The following AVL9 variants were observed in gnomAD, a reference collection of about 807,000 sequenced individuals.
The protein encoded by AVL9 is AVL9 cell migration associated, also known as late secretory pathway protein AVL9 homolog.
AVL9 carries 49 observed loss-of-function variants against 79.2 expected under a neutral mutation model. The ratio of observed to expected loss-of-function variants is 0.62; its 90% confidence interval spans 0.49 to 0.79. AVL9 has a LOEUF of 0.79. Among genes scored for constraint, AVL9 ranks in the 30% least tolerant of loss-of-function variants. The pLI, the probability that AVL9 is intolerant of heterozygous loss-of-function variation, is 0.00. For synonymous variants in AVL9, 299 were observed against 280.6 expected, an observed-to-expected ratio of 1.07 and a Z score of -0.65; for missense variants, 682 against 776.8, an observed-to-expected ratio of 0.88 and a Z score of 1.45.
At chr7:32,571,756 T>C (rs1451963272) in intron 11 of AVL9, among the ~76,000 whole-genome samples, 1 of 152,058 alleles carries the variant, frequency 6.6e-6, no homozygotes, top group Non-Finnish European at 1.5e-5. Context: ...GGTTACATTC[T>C]AGTTCTGTAG....
At chr7:32,575,458 A>G (rs952442984) in intron 12 of AVL9, among the ~76,000 whole-genome samples, 3 of 152,212 alleles carry the variant, frequency 2.0e-5, no homozygotes, top group African/African-American at 7.2e-5. Flanking sequence ...CACCAAATAA[A>G]GTCCAAAGGA....
At chr7:32,500,719 T>A (rs1195141059) in intron 1 of AVL9, among the ~76,000 whole-genome samples, 2 of 152,210 alleles carry the variant, frequency 1.3e-5, no homozygotes, top group East Asian at 3.8e-4. Flanking sequence ...TAGGTTTTCT[T>A]CTGGGGTTTT....
chr7:32,538,130 T>C (rs942343569), intron 1 of AVL9: 3 of 152,222 alleles, frequency 2.0e-5, no homozygotes, highest in Non-Finnish European at 4.4e-5. Context: ...CTTCCTTCAG[T>C]AGAGTTGCGA....
chr7:32,510,165 C>T (rs1031101707), intron 1 of AVL9, among the ~76,000 whole-genome samples: 11 of 151,852 alleles, frequency 7.2e-5, no homozygotes, highest in Non-Finnish European at 1.6e-4. Flanking sequence ...CACTTCTGAA[C>T]TGCCCCAGTA....
chr7:32,582,275 G>A (rs1270296165), intron 15 of AVL9, among the ~76,000 whole-genome samples: 1 of 148,744 alleles, frequency 6.7e-6, no homozygotes, highest in African/African-American at 2.6e-5. Flanking sequence ...TTCTGAAAGA[G>A]GTTGACTAAC....
At position 32,580,710 on chromosome 7, in the gene AVL9, C is replaced by T. The variant is rs551439142; in HGVS notation, c.1743-92C>T. The T allele has an allele frequency of 7.7e-6, 5 of 647,660 alleles. No individual in the cohort carries two copies. The East Asian group carries it at 1.5e-4, about 20-fold the overall frequency. 40.1% of individuals were successfully genotyped at this position (647,660 alleles called of 1,614,324 possible). A position where few individuals can be genotyped will look rare whatever the true frequency, so the allele number is the denominator to read the frequency against. On this transcript the variant is annotated intron_variant, in intron 14 of 15. Transcript: ENST00000318709. Reference sequence around the variant, plus strand: ...CTAATTTTGGATGGTTACAGAGTGACTATTGTGTGTGTGTCTATATGTGTC... The same window carrying T: ...CTAATTTTGGATGGTTACAGAGTGATTATTGTGTGTGTGTCTATATGTGTC...
At chr7:32,514,803 T>G (rs769105535) in intron 1 of AVL9, among the ~76,000 whole-genome samples, 1 of 152,148 alleles carries the variant, frequency 6.6e-6, no homozygotes, top group South Asian at 2.1e-4. Context: ...CCAAATCTTA[T>G]AAAACAGCCC....
chr7:32,572,842 A>G (rs1240735232), intron 11 of AVL9, among the ~76,000 whole-genome samples: 1 of 151,670 alleles, frequency 6.6e-6, no homozygotes, highest in African/African-American at 2.4e-5. Flanking sequence ...ATCTGCACGC[A>G]AAAGAAAAAG....
chr7:32,541,754 G>C (rs898638374), intron 1 of AVL9, among the ~76,000 whole-genome samples: 2 of 146,574 alleles, frequency 1.4e-5, no homozygotes, highest in Admixed American at 6.9e-5. Context: ...CACTCTTGTT[G>C]CCCAGGCTGC....
intron 1 of AVL9, chr7:32,537,250 A>G (rs1788952920): frequency 6.6e-6 from 1 of 152,176 alleles, no homozygotes; most frequent in African/African-American, 2.4e-5. Context: ...ATAACAAAAG[A>G]TGCTCCTATT....
intron 4 of AVL9, among the ~76,000 whole-genome samples, chr7:32,550,186 A>G (rs1789747487): frequency 6.6e-6 from 1 of 152,208 alleles, no homozygotes; most frequent in African/African-American, 2.4e-5. Context: ...AATAGATGCC[A>G]TTTATTGAGT....
At chr7:32,548,124 G>A (rs548944315) in intron 3 of AVL9, among the ~76,000 whole-genome samples, 1 of 124,614 alleles carries the variant, frequency 8.0e-6, no homozygotes, top group Admixed American at 8.7e-5. Flanking sequence ...TGGAGAACAA[G>A]CTGTCTGTTT....
At chr7:32,582,241 A>G (rs1791544426) in intron 15 of AVL9, among the ~76,000 whole-genome samples, 1 of 152,232 alleles carries the variant, frequency 6.6e-6, no homozygotes, top group Non-Finnish European at 1.5e-5. Context: ...TGTTGTAAAA[A>G]TAGGGCATTA....
Position 32,559,484 on chromosome 7 carries a change from A to G in AVL9, c.1215+20A>G. 1 of 1,498,946 alleles carries G rather than the reference A, an allele frequency of 6.7e-7. No homozygotes were observed. Among genetic ancestry groups the G allele is most frequent in the Non-Finnish European group, 8.9e-7 (1 of 1,123,726 alleles). 92.9% of individuals were successfully genotyped at this position (1,498,946 alleles called of 1,614,324 possible). A position where few individuals can be genotyped will look rare whatever the true frequency, so the allele number is the denominator to read the frequency against. On this transcript the variant is annotated intron_variant, in intron 10 of 15. Coordinates refer to ENST00000318709, the MANE Select transcript of AVL9 (RefSeq NM_015060.3). ...ACAAAGGTAAAGTGTAATATTTTTT[A>G]TCGAATTCCTTAAAGAATTTGAAAA...
chr7:32,516,709 A>G (rs1048212402), intron 1 of AVL9, among the ~76,000 whole-genome samples: 2 of 150,124 alleles, frequency 1.3e-5, no homozygotes, highest in African/African-American at 2.4e-5. Context: ...ATAACACGCT[A>G]TGGAGTCCTG....
At chr7:32,567,512 A>C (rs1419038106) in intron 10 of AVL9, among the ~76,000 whole-genome samples, 1 of 152,142 alleles carries the variant, frequency 6.6e-6, no homozygotes, top group Non-Finnish European at 1.5e-5. Flanking sequence ...CGCTAATAAA[A>C]AGTCTCCCTT....
rs199824956 is a variant in AVL9 at position 32,560,322 on chromosome 7, CAATT to C, written c.1215+864_1215+867del. On this transcript the variant is annotated intron_variant, in intron 10 of 15. Transcript: ENST00000318709. ...GTTAAAAGCACAATAAAGTGAAGTA[CAATT>C]AATTATTAAATAATTTTTAATTTAT... is the stretch of plus-strand genomic sequence containing the variant. Among the ~76,000 whole-genome samples the C allele has an allele frequency of 3.2e-4, 49 of 151,252 alleles. No homozygotes were observed. The East Asian group carries it at 8.3e-3, about 26-fold the overall frequency.
chr7:32,569,991 A>C (rs376757702), intron 10 of AVL9, 29 bp from the exon 11 acceptor site: 1 of 1,610,574 alleles, frequency 6.2e-7, no homozygotes, highest in African/African-American at 1.3e-5. Flanking sequence ...TACTTTTCTG[A>C]TATTTTCTAT....
chr7:32,500,073 A>G (rs933437681), intron 1 of AVL9, among the ~76,000 whole-genome samples: 1 of 152,190 alleles, frequency 6.6e-6, no homozygotes, highest in Non-Finnish European at 1.5e-5. Context: ...GTGTGTCTTT[A>G]TAGTAGAATG....
Sources: allele counts gnomAD v4.1 joint callset (sites outside exome capture counted in the v4.1 genomes callset), GRCh38; gene constraint gnomAD v4.1.1; transcripts MANE v1.5; gene names NCBI Gene and HGNC (gene_info 2026-07-23, HGNC 2026-07-21).